LAMA2: variants seen among roughly 807,000 people sequenced by gnomAD.
LAMA2 encodes laminin subunit alpha-2.
A neutral mutation model predicts 364.8 loss-of-function variants in LAMA2; 269 were observed. That is an observed-to-expected ratio of 0.74 (90% confidence interval 0.67 to 0.82). LAMA2 has a LOEUF of 0.82. LAMA2 is among the 40% of genes least tolerant of loss of function. The pLI, the probability that LAMA2 is intolerant of heterozygous loss-of-function variation, is 0.00. For synonymous variants in LAMA2, 1,379 were observed against 1,370.6 expected (o/e 1.01, Z -0.14); for missense variants, 3,807 against 3,873.2 (o/e 0.98, Z 0.45).
chr6:129,431,792 G>C (rs1035408748), intron 41 of LAMA2, among the ~76,000 whole-genome samples: 9 of 152,152 alleles, frequency 5.9e-5, no homozygotes, highest in Admixed American at 3.9e-4. Flanking sequence ...ACCAGTTGAA[G>C]CCTTCCTTCT....
rs144830879 is a variant in LAMA2 at position 129,328,306 on chromosome 6, G to A, written c.4205G>A (p.Arg1402His). 221 of 1,614,118 alleles carry A rather than the reference G, an allele frequency of 1.4e-4. No homozygotes were observed. Among genetic ancestry groups the A allele is most frequent in the African/African-American group, 4.7e-4 (35 of 75,026 alleles). Residue 1402 changes from arginine to histidine, a missense_variant, in exon 29 of 65, where the codon CGT becomes CAT. Coordinates refer to ENST00000421865, the MANE Select transcript of LAMA2 (RefSeq NM_000426.4). ...EACLPGFYRL[R>H]SQPGGRTPGP... Reference sequence around the variant, plus strand: ...TGCTTGCCGGGATTTTATCGACTGCGTTCTCAACCAGGTGGCCGCACCCCT... The same window carrying A: ...TGCTTGCCGGGATTTTATCGACTGCATTCTCAACCAGGTGGCCGCACCCCT...
chr6:128,952,063 A>G (rs974781205), intron 1 of LAMA2, among the ~76,000 whole-genome samples: 1 of 152,106 alleles, frequency 6.6e-6, no homozygotes, highest in African/African-American at 2.4e-5. Context: ...GATACTCGAG[A>G]GGCTGAGGTG....
intron 29 of LAMA2, among the ~76,000 whole-genome samples, chr6:129,340,428 G>C (rs1419495197): frequency 6.6e-6 from 1 of 152,084 alleles, no homozygotes; most frequent in African/African-American, 2.4e-5. Flanking sequence ...GAGTGGAGTA[G>C]CTTCAGACAA....
chr6:129,379,973 C>T (rs1778589948), intron 34 of LAMA2, among the ~76,000 whole-genome samples: 2 of 152,174 alleles, frequency 1.3e-5, no homozygotes, highest in Non-Finnish European at 2.9e-5. Context: ...GACAATTTGC[C>T]AGACACTATG....
intron 4 of LAMA2, among the ~76,000 whole-genome samples, chr6:129,139,639 T>G (rs2114951574): frequency 6.6e-6 from 1 of 152,226 alleles, no homozygotes; most frequent in South Asian, 2.1e-4. Context: ...GTGATGGTAC[T>G]TCTTTTTTTA....
chr6:128,979,014 G>A (rs999873965), intron 1 of LAMA2, among the ~76,000 whole-genome samples: 2 of 152,018 alleles, frequency 1.3e-5, no homozygotes, highest in South Asian at 4.2e-4. Context: ...AGCATGCAAG[G>A]ATTTAAAGAT....
At chr6:128,903,152 G>A (rs1582635129) in intron 1 of LAMA2, among the ~76,000 whole-genome samples, 2 of 151,728 alleles carry the variant, frequency 1.3e-5, no homozygotes, top group East Asian at 4.0e-4. Flanking sequence ...AGGGATATAG[G>A]AGGCTTACAG....
intron 28 of LAMA2, among the ~76,000 whole-genome samples, chr6:129,321,973 A>G (rs925530591): frequency 6.6e-6 from 1 of 152,184 alleles, no homozygotes; most frequent in Non-Finnish European, 1.5e-5. Context: ...TTGGGTTTTT[A>G]CCTATACATC....
chr6:129,432,257 G>C (rs1781632704), intron 41 of LAMA2, among the ~76,000 whole-genome samples: 1 of 152,096 alleles, frequency 6.6e-6, no homozygotes, highest in Admixed American at 6.5e-5. Context: ...AGTGTGAATG[G>C]TGGAAATAAA....
intron 41 of LAMA2, chr6:129,436,798 T>C (rs1781854828): frequency 6.6e-6 from 1 of 152,180 alleles, no homozygotes; most frequent in Non-Finnish European, 1.5e-5. Flanking sequence ...TTGAGTGCTT[T>C]TTACGAATTT....
At chr6:129,301,236 A>T (rs1286543978) in intron 22 of LAMA2, among the ~76,000 whole-genome samples, 1 of 152,176 alleles carries the variant, frequency 6.6e-6, no homozygotes, top group East Asian at 1.9e-4. Context: ...TTGCCCCTGA[A>T]TTATGACTAG....
intron 1 of LAMA2, among the ~76,000 whole-genome samples, chr6:128,992,747 C>T (rs965016721): frequency 1.3e-5 from 2 of 152,156 alleles, no homozygotes; most frequent in South Asian, 2.1e-4. Flanking sequence ...AGGAAGACAC[C>T]AGCTCTTTGT....
At position 129,287,786 on chromosome 6, in the gene LAMA2, T is replaced by C. The variant is rs371116656; in HGVS notation, c.2538-61T>C. ...TGGGAGAAGGGGAGAATGAAAAATA[T>C]GTAAACATTGCCCCAACTGAGGTCC... On this transcript the variant is annotated intron_variant, in intron 18 of 64. Transcript: ENST00000421865. The C allele has an allele frequency of 3.3e-5, 43 of 1,313,710 alleles. No individual in the cohort carries two copies. In the East Asian group the frequency reaches 5.3e-4, roughly 16 times the overall value. 81.4% of individuals were successfully genotyped at this position (1,313,710 alleles called of 1,614,324 possible). A position where few individuals can be genotyped will look rare whatever the true frequency, so the allele number is the denominator to read the frequency against.
intron 12 of LAMA2, among the ~76,000 whole-genome samples, chr6:129,228,426 C>T (rs1040124917): frequency 1.3e-5 from 2 of 152,110 alleles, no homozygotes; most frequent in Non-Finnish European, 2.9e-5. Flanking sequence ...GTCGCTCATG[C>T]TGGGAGCTGT....
intron 1 of LAMA2, chr6:128,929,012 C>A: frequency 7.3e-7 from 1 of 1,379,074 alleles, no homozygotes; most frequent in Non-Finnish European, 1.0e-6. Context: ...TTAGATGAAG[C>A]CCATATATGC....
intron 1 of LAMA2, among the ~76,000 whole-genome samples, chr6:128,973,875 T>C (rs1340251785): frequency 6.6e-6 from 1 of 152,148 alleles, no homozygotes; most frequent in Non-Finnish European, 1.5e-5. Flanking sequence ...TGGGAGTGGA[T>C]GGAGTTCGTG....
chr6:129,119,578 C>T (rs1429298688), intron 4 of LAMA2, among the ~76,000 whole-genome samples: 2 of 151,996 alleles, frequency 1.3e-5, no homozygotes, highest in Non-Finnish European at 2.9e-5. Context: ...GACGGAGTCT[C>T]GATCTGTCGC....
intron 32 of LAMA2, among the ~76,000 whole-genome samples, chr6:129,364,983 G>T (rs1228018439): frequency 1.3e-5 from 2 of 152,140 alleles, no homozygotes; most frequent in Non-Finnish European, 2.9e-5. Context: ...TGAGAACTCT[G>T]TCATGAGAAC....
chr6:128,910,751 T>TC (rs1337848712), intron 1 of LAMA2, among the ~76,000 whole-genome samples: 3 of 151,682 alleles, frequency 2.0e-5, no homozygotes, highest in African/African-American at 7.3e-5. Context: ...TTCTGTTTTT[T>TC]CCCCATCTTT....
Sources: allele counts gnomAD v4.1 joint callset (sites outside exome capture counted in the v4.1 genomes callset), GRCh38; gene constraint gnomAD v4.1.1; transcripts MANE v1.5; gene names NCBI Gene and HGNC (gene_info 2026-07-23, HGNC 2026-07-21).